Variants in ERF observed in about 807,000 individuals in gnomAD.
ERF encodes ETS domain-containing transcription factor ERF.
A neutral mutation model predicts 41.6 loss-of-function variants in ERF; 10 were observed. The observed-to-expected ratio is 0.24, with a 90% CI of 0.15 to 0.41. The LOEUF (loss-of-function observed/expected upper bound fraction) is 0.41. Ranked by LOEUF, ERF falls within the 10% of genes least tolerant of loss-of-function variation. ERF has a pLI of 1.00. For synonymous variants in ERF, 395 were observed against 342.4 expected, an observed-to-expected ratio of 1.15 and a Z score of -1.70; for missense variants, 621 against 763.2, an observed-to-expected ratio of 0.81 and a Z score of 2.19.
At chr19:42,253,681 C>A (rs1244968025) in intron 1 of ERF, among the ~76,000 whole-genome samples, 1 of 152,090 alleles carries the variant, frequency 6.6e-6, no homozygotes, top group East Asian at 1.9e-4. Flanking sequence ...ACCCCCAGGG[C>A]CCCTCCTCGG....
At chr19:42,254,846 C>T in intron 1 of ERF, 132 bp downstream of exon 1, 2 of 1,063,508 alleles carry the variant, frequency 1.9e-6, no homozygotes, top group Non-Finnish European at 2.6e-6. Context: ...CAACAGGTCT[C>T]CAGTGCTTGA....
chr19:42,253,410 C>T (rs1401165849), intron 1 of ERF, among the ~76,000 whole-genome samples: 1 of 152,160 alleles, frequency 6.6e-6, no homozygotes, highest in African/African-American at 2.4e-5. Context: ...GGCCTCCTTC[C>T]CCTCCCCTCC....
rs1345473113 is a variant in ERF, at chr19:42,249,232, G to A, written c.880C>T (p.Pro294Ser). The change falls in exon 4 of 4, where the codon CCC (proline) becomes TCC (serine). Residue 294 changes from proline (P) to serine (S), a missense_variant. By Grantham distance (74) the Pro-to-Ser change is moderately conservative. This residue lies in a region of ERF where 569 missense variants were observed against 625.5 expected (regional missense o/e 0.91). Transcript: ENST00000222329. This position sits in a 1 kb window ranked among gnomAD's most constrained non-coding sequence, Gnocchi z 8.6. ...TGGGAGCCTCCCCCTGAGCCGCTGG[G>A]CCCCCCGCCACCACTGGGGTACATC... ...SPMYPSGGGG[P>S]SGSGGGSHFS... 12 of 1,612,812 alleles carry A rather than the reference G, an allele frequency of 7.4e-6. No homozygotes were observed. Among genetic ancestry groups the A allele is most frequent in the Admixed American group, 1.7e-5 (1 of 59,884 alleles).
At chr19:42,254,339 G>A (rs1222336620) in intron 1 of ERF, among the ~76,000 whole-genome samples, 1 of 152,030 alleles carries the variant, frequency 6.6e-6, no homozygotes, top group Non-Finnish European at 1.5e-5. Context: ...CCTTAAAGCC[G>A]CGCGTTCTAA....
intron 1 of ERF, among the ~76,000 whole-genome samples, chr19:42,254,315 T>G (rs1023349612): frequency 2.6e-5 from 4 of 151,506 alleles, no homozygotes; most frequent in Non-Finnish European, 5.9e-5. Context: ...GGTACCCAGG[T>G]CTCCCCGGAG....
intron 1 of ERF, chr19:42,254,752 C>T (rs2036506120): frequency 2.2e-6 from 1 of 448,374 alleles, no homozygotes; most frequent in East Asian, 3.8e-5. Context: ...GGATACAGGA[C>T]CAAGACCCGC....
chr19:42,254,008 C>CCCGA, intron 1 of ERF: 1 of 938,442 alleles, frequency 1.1e-6, no homozygotes, highest in Non-Finnish European at 1.3e-6. Flanking sequence ...TCCCCCTGCG[C>CCCGA]GCTCGGGCGC....
intron 1 of ERF, chr19:42,253,858 G>A: frequency 9.4e-7 from 1 of 1,066,012 alleles, no homozygotes; most frequent in Non-Finnish European, 1.1e-6. Context: ...ACAGGAGCCC[G>A]AGCCGCCGCC....
At chr19:42,253,306 G>C (rs1395603536) in intron 1 of ERF, among the ~76,000 whole-genome samples, 1 of 152,196 alleles carries the variant, frequency 6.6e-6, no homozygotes, top group South Asian at 2.1e-4. Context: ...AGCCACGGCA[G>C]AGAGAGGGAC....
chr19:42,251,428 G>C (rs975821174), intron 1 of ERF: 22 of 916,776 alleles, frequency 2.4e-5, no homozygotes, highest in Non-Finnish European at 2.9e-5. Flanking sequence ...GGTCTCTGGA[G>C]GGGGTGGGCA....
chr19:42,253,972 G>A, intron 1 of ERF: 1 of 1,011,846 alleles, frequency 9.9e-7, no homozygotes. Context: ...CGACGGGGTA[G>A]ACGGGCAGGG....
At chr19:42,253,416 C>A (rs1050973913) in intron 1 of ERF, among the ~76,000 whole-genome samples, 1 of 152,168 alleles carries the variant, frequency 6.6e-6, no homozygotes, top group Non-Finnish European at 1.5e-5. Flanking sequence ...CTTCCCCTCC[C>A]CTCCCCCAGC....
At chr19:42,254,087 A>C (rs55675421) in intron 1 of ERF, among the ~76,000 whole-genome samples, 1 of 150,968 alleles carries the variant, frequency 6.6e-6, no homozygotes, top group African/African-American at 2.4e-5. Context: ...TGGGAGGGGG[A>C]GTTAATCCCG....
In ERF at chr19:42,249,954, G is replaced by A. The variant is rs1224007787; in HGVS notation, c.258-12C>T. ...TGTTATAGTAATAGCTGTGGGTACA[G>A]AAATGCCATTGGGAAGGTCAGGTAC... On this transcript the variant is annotated splice_polypyrimidine_tract_variant and intron_variant, in intron 2 of 3. Coordinates refer to ENST00000222329, the MANE Select transcript of ERF (RefSeq NM_006494.4). This position sits in a 1 kb window ranked among gnomAD's most constrained non-coding sequence, Gnocchi z 8.6. 2 of 1,612,544 alleles carry A rather than the reference G, an allele frequency of 1.2e-6. No homozygotes were observed. Among genetic ancestry groups the A allele is most frequent in the African/African-American group, 1.3e-5 (1 of 74,880 alleles).
intron 1 of ERF, among the ~76,000 whole-genome samples, chr19:42,254,182 G>T (rs934632947): frequency 1.6e-4 from 24 of 150,806 alleles, no homozygotes; most frequent in African/African-American, 5.6e-4. Flanking sequence ...GGGGCGGAGG[G>T]AAGAGACGGC....
rs1259223659 is a variant in ERF, at chr19:42,249,382, G to A, written c.730C>T (p.Pro244Ser). 8 of 1,574,614 alleles carry A rather than the reference G, an allele frequency of 5.1e-6. No individual in the cohort carries two copies. In the African/African-American group the frequency reaches 8.1e-5, roughly 16 times the overall value. The change falls in exon 4 of 4, where the codon CCC becomes TCC. Residue 244 changes from proline (P) to serine (S), a missense_variant. Physicochemically the swap from Pro to Ser is moderately conservative, Grantham distance 74. Around this residue, in one of 3 missense-constraint regions of ERF, gnomAD observed 569 missense variants for 625.5 expected, o/e 0.91. Coordinates refer to ENST00000222329, the MANE Select transcript of ERF (RefSeq NM_006494.4). The surrounding 1 kb of genome is among the most constrained non-coding windows in gnomAD (Gnocchi z 8.6). ...GGCGACACAGGGAAGGGGCTGAGGG[G>A]TTCAGGGCCACCCCGAGGCCGGGGA... ...VYPRPRGGPE[P>S]LSPFPVSPLA...
At chr19:42,251,546 G>A (rs2267630) in intron 1 of ERF, 10,059 of 193,954 alleles carry the variant, frequency 0.052, 501 homozygotes, top group South Asian at 0.17. Context: ...AGGGGTGGGA[G>A]GAGGGAAAGG....
At position 42,249,298 on chromosome 19, in the gene ERF, G is replaced by A; in HGVS notation, c.814C>T (p.Pro272Ser). The part of the protein sequence containing the change: ...PQLSPALPMT[P>S]THLAYTPSPT... ...GAGGGAGTGTAGGCCAGGTGGGTGG[G>A]CGTCATGGGCAGAGCCGGGGAGAGC... The change falls in exon 4 of 4, where the codon CCC (proline) becomes TCC (serine). Residue 272 changes from proline to serine, a missense_variant. Around this residue, in one of 3 missense-constraint regions of ERF, gnomAD observed 569 missense variants for 625.5 expected, o/e 0.91. Coordinates refer to ENST00000222329, the MANE Select transcript of ERF (RefSeq NM_006494.4). The surrounding 1 kb of genome is among the most constrained non-coding windows in gnomAD (Gnocchi z 8.6). 1 of 1,600,066 alleles carries A rather than the reference G, an allele frequency of 6.2e-7. No homozygotes were observed. The highest frequency in any genetic ancestry group is 8.5e-7 in the Non-Finnish European group (1 of 1,173,420).
rs542080056 is a variant in ERF at position 42,254,185 on chromosome 19, G to A, written c.22+793C>T. On this transcript the variant is annotated intron_variant, in intron 1 of 3. Transcript: ENST00000222329. The stretch of plus-strand genomic sequence containing the variant: ...GCGGGGAAGAGAGGGGCGGAGGGAA[G>A]AGACGGCCCGCTGAAAGAGAAGAGG... Among the ~76,000 whole-genome samples the A allele has an allele frequency of 2.6e-4, 39 of 151,482 alleles. 1 individual carries two copies. Among genetic ancestry groups the A allele is most frequent in the African/African-American group, 9.2e-4 (38 of 41,342 alleles).
Sources: gnomAD v4.1 joint callset for allele counts (sites outside exome capture counted in the v4.1 genomes callset) on GRCh38, gnomAD v4.1.1 for gene constraint, gnomAD v4.1.1 regional missense constraint, Gnocchi (gnomAD v3.1) non-coding constraint, MANE v1.5 for transcripts, NCBI Gene and HGNC (gene_info 2026-07-23, HGNC 2026-07-21) for gene names.